Variants in SLC47A1 observed in about 807,000 individuals in gnomAD.
SLC47A1 encodes multidrug and toxin extrusion protein 1.
Under a neutral mutation model 65.8 loss-of-function variants are expected in SLC47A1, and 58 were observed. That is an observed-to-expected ratio of 0.88 (90% CI 0.71 to 1.10). The LOEUF (loss-of-function observed/expected upper bound fraction) is 1.10. SLC47A1 is among the 50% of genes least tolerant of loss of function. SLC47A1 has a pLI of 0.00. For synonymous variants in SLC47A1, 285 were observed against 295.0 expected, an observed-to-expected ratio of 0.97 and a Z score of 0.35; for missense variants, 706 against 719.2, an observed-to-expected ratio of 0.98 and a Z score of 0.21.
intron 10 of SLC47A1, among the ~76,000 whole-genome samples, chr17:19,559,077 A>G (rs148224096): frequency 5.9e-5 from 9 of 152,290 alleles, no homozygotes; most frequent in Non-Finnish European, 2.9e-5. Flanking sequence ...CAATTCCTAC[A>G]TGCTTCTTCT....
intron 14 of SLC47A1, chr17:19,570,923 C>T (rs1161135710): frequency 1.3e-5 from 2 of 152,294 alleles, no homozygotes; most frequent in African/African-American, 4.8e-5. Context: ...ACCTGGCCTG[C>T]CTTTGGTGTT....
rs1405828987 is a variant in SLC47A1, at chr17:19,577,816, C to T, written c.*263C>T. On this transcript the variant is annotated 3_prime_UTR_variant, in exon 17 of 17. Coordinates refer to ENST00000270570, the MANE Select transcript of SLC47A1 (RefSeq NM_018242.3). The stretch of plus-strand genomic sequence containing the variant: ...AACCAAGCAAGGATCAATGTGCTGA[C>T]TGCATTGGCCAATGGCTTTGATACT... 7.6e-7 allele frequency: 1 copy of T among 1,323,276 alleles called. No homozygotes were observed. Among genetic ancestry groups the T allele is most frequent in the African/African-American group, 1.5e-5 (1 of 67,172 alleles). The allele number at this position is 1,323,276 out of a possible 1,614,324, so 82.0% of individuals were successfully genotyped here. A position where few individuals can be genotyped will look rare whatever the true frequency, so the allele number is the denominator to read the frequency against.
At chr17:19,545,300 T>C (rs1916256696) in intron 2 of SLC47A1, among the ~76,000 whole-genome samples, 1 of 152,084 alleles carries the variant, frequency 6.6e-6, no homozygotes, top group Non-Finnish European at 1.5e-5. Flanking sequence ...GTTCAAGTGA[T>C]TCTCCTGCCT....
rs1340812816 is a variant in SLC47A1 at position 19,578,761 on chromosome 17, T to A, written c.*1208T>A. ...ACATCCAGCTGGTGAAACTGCGTGC[T>A]GTAAGCTGGGACCAGCTTTGTCCAT... On this transcript the variant is annotated 3_prime_UTR_variant, in exon 17 of 17. Coordinates refer to ENST00000270570, the MANE Select transcript of SLC47A1 (RefSeq NM_018242.3). 6.6e-6 allele frequency: 1 copy of A among 152,256 alleles called. No homozygotes were observed. The highest frequency in any genetic ancestry group is 2.4e-5 in the African/African-American group (1 of 41,472). The allele number at this position is 152,256 out of a possible 1,614,324, so 9.4% of individuals were successfully genotyped here.
chr17:19,555,570 C>T (rs1597502016), intron 7 of SLC47A1, 23 bp from the exon 8 acceptor site: 1 of 1,611,008 alleles, frequency 6.2e-7, no homozygotes, highest in Non-Finnish European at 8.5e-7. Flanking sequence ...GTACCTCCCT[C>T]TCATTGGGAC....
rs35395280 is a variant in SLC47A1 at position 19,577,330 on chromosome 17, G to T, written c.1490G>T (p.Cys497Phe). ...CTAAGTTCCTTTTTCCTCCCAGGGT[G>T]CCCTGAAAACCTTGAAGGAATTTTA... ...ALPQDPLHPGCPENLEGILTN... is the reference protein window; with the variant it reads ...ALPQDPLHPGFPENLEGILTN... Residue 497 changes from cysteine (C) to phenylalanine (F), a missense_variant, in exon 17 of 17, where the codon TGC (cysteine) becomes TTC (phenylalanine). Transcript: ENST00000270570. 2,795 of 1,613,716 alleles carry T rather than the reference G, an allele frequency of 1.7e-3. 40 individuals carry two copies. In the African/African-American group the frequency reaches 0.03, roughly 18 times the overall value.
chr17:19,575,992 A>G (rs148971035), intron 16 of SLC47A1, among the ~76,000 whole-genome samples: 1,569 of 152,234 alleles, frequency 0.01, 34 homozygotes, highest in African/African-American at 0.036. Context: ...GTTGAGGGAT[A>G]GTAAATGAGT....
chr17:19,566,744 T>C, intron 12 of SLC47A1, 46 bp from the exon 13 acceptor site: 1 of 1,584,138 alleles, frequency 6.3e-7, no homozygotes, highest in Admixed American at 1.7e-5. Context: ...TATACTTCTT[T>C]CTCCACTTTG....
chr17:19,577,112 GCACC>G (rs2084446671), intron 16 of SLC47A1, among the ~76,000 whole-genome samples: 4 of 152,118 alleles, frequency 2.6e-5, no homozygotes, highest in African/African-American at 7.2e-5. Flanking sequence ...GCTCCCTGGA[GCACC>G]CAAGCCAGCG....
rs541662155 is a variant in SLC47A1 at position 19,578,198 on chromosome 17, T to G, written c.*645T>G. 1.4e-5 allele frequency: 5 copies of G among 357,288 alleles called. No individual in the cohort carries two copies. In the East Asian group the frequency reaches 4.1e-4, roughly 29 times the overall value. 22.1% of individuals were successfully genotyped at this position (357,288 alleles called of 1,614,324 possible). Reference sequence around the variant, plus strand: ...GTCTAGATCTAGGCACTGTGGACACTGAAAAACAGTTGGGAAATCTTTCGA... The same window carrying G: ...GTCTAGATCTAGGCACTGTGGACACGGAAAAACAGTTGGGAAATCTTTCGA... On this transcript the variant is annotated 3_prime_UTR_variant, in exon 17 of 17. Coordinates refer to ENST00000270570, the MANE Select transcript of SLC47A1 (RefSeq NM_018242.3).
At chr17:19,560,025 C>T (rs1376644585) in intron 10 of SLC47A1, 163 bp from the exon 11 acceptor site, 3 of 594,332 alleles carry the variant, frequency 5.0e-6, no homozygotes, top group Non-Finnish European at 9.0e-6. Context: ...TCCACAGTAG[C>T]GTGGGAGTTC....
At chr17:19,566,972 T>G in intron 13 of SLC47A1, 113 bp downstream of exon 13, 1 of 1,588,310 alleles carries the variant, frequency 6.3e-7, no homozygotes, top group Non-Finnish European at 8.6e-7. Context: ...GTTACCACAT[T>G]TCGTTTAGAA....
At chr17:19,561,642 C>CAAA (rs60772908) in intron 12 of SLC47A1, among the ~76,000 whole-genome samples, 1 of 58,652 alleles carries the variant, frequency 1.7e-5, no homozygotes, top group Non-Finnish European at 4.0e-5. Context: ...GACTCTGTCT[C>CAAA]AAAAAAAAAA....
At chr17:19,555,760 C>T in intron 8 of SLC47A1, 36 bp from the exon 9 acceptor site, 1 of 1,613,004 alleles carries the variant, frequency 6.2e-7, no homozygotes, top group Non-Finnish European at 8.5e-7. Flanking sequence ...AGCCCGATGG[C>T]CAGATCTCCT....
rs372799057 is a variant in SLC47A1, at chr17:19,555,914, G to A, written c.853+5G>A. 2.2e-4 allele frequency: 352 copies of A among 1,613,854 alleles called. 1 individual carries two copies. Among genetic ancestry groups the A allele is most frequent in the Non-Finnish European group, 2.9e-4 (347 of 1,179,910 alleles). On this transcript the variant is annotated splice_donor_5th_base_variant and intron_variant, in intron 9 of 16. Transcript: ENST00000270570. ...AGGTCGGGAGCTTCCTCAGTGGTCT[G>A]TATGAGGATGGATGACGGGGACTGG...
intron 14 of SLC47A1, 26 bp from the exon 15 acceptor site, chr17:19,571,452 C>T: frequency 1.3e-6 from 2 of 1,594,900 alleles, no homozygotes; most frequent in Non-Finnish European, 1.7e-6. Context: ...ATGGAATTAA[C>T]CTCTATTAAA....
chr17:19,542,621 G>A, intron 2 of SLC47A1, 127 bp downstream of exon 2: 2 of 693,140 alleles, frequency 2.9e-6, no homozygotes, highest in Non-Finnish European at 2.2e-6. Context: ...GTGCTGGAGT[G>A]CAGAAGTCTG....
In SLC47A1 at chr17:19,572,878, T is replaced by A. The variant is rs754606418; in HGVS notation, c.1486+17T>A. 8.1e-6 allele frequency: 13 copies of A among 1,612,858 alleles called. No homozygotes were observed. The highest frequency in any genetic ancestry group is 1.1e-5 in the Non-Finnish European group (13 of 1,178,856). ...TTCACCCAGGTAAGATATGACTCCC[T>A]CAGCCCTTGGACAGGCCTGTCTAGG... On this transcript the variant is annotated intron_variant, in intron 16 of 16. Transcript: ENST00000270570.
chr17:19,546,480 G>T lies in SLC47A1; in HGVS notation c.283G>T (p.Ala95Ser). ...GVSVGFGLSS[A>S]CDTLISQTYG... The stretch of plus-strand genomic sequence containing the variant: ...CTCAGTGGGATTCGGCTTATCTTCT[G>T]CCTGTGACACCCTCATCTCCCAGGT... The change falls in exon 3 of 17, where the codon GCC becomes TCC. Residue 95 changes from alanine to serine, a missense_variant. Ala to Ser is a moderately conservative substitution (Grantham distance 99). Coordinates refer to ENST00000270570, the MANE Select transcript of SLC47A1 (RefSeq NM_018242.3). 6.2e-7 allele frequency: 1 copy of T among 1,613,706 alleles called. No individual in the cohort carries two copies. Among genetic ancestry groups the T allele is most frequent in the Non-Finnish European group, 8.5e-7 (1 of 1,179,940 alleles).
Sources: gnomAD v4.1 joint callset for allele counts (sites outside exome capture counted in the v4.1 genomes callset) on GRCh38, gnomAD v4.1.1 for gene constraint, MANE v1.5 for transcripts, NCBI Gene and HGNC (gene_info 2026-07-23, HGNC 2026-07-21) for gene names.